The following RPAP1 variants were observed in gnomAD, a reference collection of about 807,000 sequenced individuals.
RPAP1 encodes RNA polymerase II-associated protein 1.
RPAP1 carries 109 observed loss-of-function variants against 142.4 expected under a neutral mutation model. The observed-to-expected ratio is 0.77, with a 90% CI of 0.66 to 0.90. The LOEUF (loss-of-function observed/expected upper bound fraction) is 0.90, where lower values mean the gene tolerates loss of function less well. Ranked by LOEUF, RPAP1 falls within the 40% of genes least tolerant of loss-of-function variation. The pLI, the probability that RPAP1 is intolerant of heterozygous loss-of-function variation, is 0.00. For synonymous variants in RPAP1, 704 were observed against 738.9 expected, an observed-to-expected ratio of 0.95 and a Z score of 0.77; for missense variants, 1,546 against 1,751.7, an observed-to-expected ratio of 0.88 and a Z score of 2.10.
rs377131040 is a variant in RPAP1, at chr15:41,536,965, C to T, written c.161G>A (p.Arg54Gln). 2.6e-5 allele frequency: 42 copies of T among 1,613,928 alleles called. No homozygotes were observed. The highest frequency in any genetic ancestry group is 3.5e-5 in the Non-Finnish European group (41 of 1,179,958). ...CTCACTGTCCAACATCACCACATCC[C>T]GATGGTCCTGGAGCGGAGGCCGGTC... ...NSDRPPLQDH[R>Q]DVVMLDNLPD... The change falls in exon 2 of 25, where the codon CGG (arginine) becomes CAG (glutamine). Residue 54 changes from arginine to glutamine, a missense_variant. Coordinates refer to ENST00000304330, the MANE Select transcript of RPAP1 (RefSeq NM_015540.4).
intron 1 of RPAP1, among the ~76,000 whole-genome samples, chr15:41,539,285 TTTTTTG>T (rs1254617761): frequency 8.7e-5 from 13 of 148,630 alleles, no homozygotes; most frequent in African/African-American, 3.4e-4. Flanking sequence ...TTTTGTTTTT[TTTTTTG>T]TTTTTTGTTT....
intron 6 of RPAP1, among the ~76,000 whole-genome samples, chr15:41,532,690 T>G (rs996746881): frequency 6.6e-6 from 1 of 151,790 alleles, no homozygotes; most frequent in African/African-American, 2.4e-5. Context: ...AAGTAGGGCC[T>G]CGGCTGGGCA....
chr15:41,532,992 A>G (rs1198138293), intron 6 of RPAP1, among the ~76,000 whole-genome samples: 1 of 55,240 alleles, frequency 1.8e-5, no homozygotes, highest in East Asian at 5.1e-4. Flanking sequence ...AAAAAAAAAA[A>G]AAAAAAAAAA....
rs562124145 is a variant in RPAP1 at position 41,526,463 on chromosome 15, G to C, written c.1917+435C>G. 1.5e-4 allele frequency among the ~76,000 whole-genome samples: 23 copies of C among 152,140 alleles called. No individual in the cohort carries two copies. The East Asian group carries it at 3.7e-3, about 24-fold the overall frequency. On this transcript the variant is annotated intron_variant, in intron 14 of 24. Coordinates refer to ENST00000304330, the MANE Select transcript of RPAP1 (RefSeq NM_015540.4). ...GACAGAGTCTTGCTATGTTGTCCAGGCTGGCCCCTGAACTCTTGGCCCCAA... is the reference window on the plus strand; with the variant it reads ...GACAGAGTCTTGCTATGTTGTCCAGCCTGGCCCCTGAACTCTTGGCCCCAA...
In RPAP1 at chr15:41,517,336, G is replaced by T; in HGVS notation, c.*206C>A. 2.0e-6 allele frequency: 1 copy of T among 495,248 alleles called. No individual in the cohort carries two copies. Among genetic ancestry groups the T allele is most frequent in the Non-Finnish European group, 3.5e-6 (1 of 283,266 alleles). The allele number at this position is 495,248 out of a possible 1,614,324, so 30.7% of individuals were successfully genotyped here. On this transcript the variant is annotated 3_prime_UTR_variant, in exon 25 of 25. Transcript: ENST00000304330. ...TAAGCCACTCTTCACTCCCAGTACA[G>T]ACCTTCAGAAGCCCCAGATATCAGG...
At position 41,522,851 on chromosome 15, in the gene RPAP1, C is replaced by T. The variant is rs769572179; in HGVS notation, c.2656G>A (p.Gly886Ser). The change falls in exon 19 of 25, where the codon GGC becomes AGC. Residue 886 changes from glycine (G) to serine (S), a missense_variant. Transcript: ENST00000304330. The stretch of plus-strand genomic sequence containing the variant: ...AGGAATGGGAAGGGTGAGGCTGAGC[C>T]AGCCAGACTGAGACGGGGGCAGCCT... ...SGGCPRLSLA[G>S]SASPFPFLTA... 1.7e-5 allele frequency: 27 copies of T among 1,583,396 alleles called. No individual in the cohort carries two copies. The East Asian group carries it at 6.3e-4, about 37-fold the overall frequency.
At chr15:41,528,428 A>G in intron 9 of RPAP1, 92 bp from the exon 10 acceptor site, 1 of 883,006 alleles carries the variant, frequency 1.1e-6, no homozygotes, top group African/African-American at 1.7e-5. Flanking sequence ...ACAAAGATAA[A>G]TAAGTGAAAT....
rs780238104 is a variant in RPAP1 at position 41,520,572 on chromosome 15, G to A, written c.3614C>T (p.Thr1205Met). 9.3e-6 allele frequency: 15 copies of A among 1,614,232 alleles called. No individual in the cohort carries two copies. The Admixed American group carries it at 1.0e-4, about 11-fold the overall frequency. The change falls in exon 22 of 25, where the codon ACG becomes ATG. Residue 1205 changes from threonine to methionine, a missense_variant. By Grantham distance (81) the Thr-to-Met change is moderately conservative. Around this residue, in one of 3 missense-constraint regions of RPAP1, gnomAD observed 210 missense variants for 248.0 expected, o/e 0.85. Coordinates refer to ENST00000304330, the MANE Select transcript of RPAP1 (RefSeq NM_015540.4). ...GTTGGCATAGAGGTCAGGGAAAGAC[G>A]TCAGGCCAGGGAGTCGGCAGTCCAG... ...LNLDCRLPGL[T>M]SFPDLYANFL...
intron 14 of RPAP1, among the ~76,000 whole-genome samples, chr15:41,526,191 C>T (rs2051788485): frequency 6.6e-6 from 1 of 152,202 alleles, no homozygotes; most frequent in Non-Finnish European, 1.5e-5. Context: ...CTCAAGTGAT[C>T]CACCACCTCG....
rs1375407329 is a variant in RPAP1, at chr15:41,527,484, C to T, written c.1550G>A (p.Arg517Lys). 19 of 1,614,098 alleles carry T rather than the reference C, an allele frequency of 1.2e-5. No homozygotes were observed. Among genetic ancestry groups the T allele is most frequent in the Non-Finnish European group, 1.6e-5 (19 of 1,180,048 alleles). ...DEECPAGKAK[R>K]KSPEEESRPP... is the part of the protein sequence containing the mutation. ...CCGGCTTTCTTCTTCAGGGCTTTTC[C>T]TTTTTGCTTTTCCTGCTGGGCATTC... is the stretch of plus-strand genomic sequence containing the variant. The change falls in exon 12 of 25, where the codon AGG becomes AAG. Residue 517 changes from arginine (R) to lysine (K), a missense_variant. Arg to Lys is a conservative substitution (Grantham distance 26, BLOSUM62 2). Transcript: ENST00000304330.
intron 1 of RPAP1, among the ~76,000 whole-genome samples, chr15:41,537,661 C>A (rs1272965071): frequency 6.6e-6 from 1 of 151,850 alleles, no homozygotes; most frequent in Non-Finnish European, 1.5e-5. Flanking sequence ...GAGGGTGGGT[C>A]ACCTGAGGCC....
At chr15:41,540,528 C>T (rs1595490605) in intron 1 of RPAP1, among the ~76,000 whole-genome samples, 1 of 152,072 alleles carries the variant, frequency 6.6e-6, no homozygotes, top group African/African-American at 2.4e-5. Context: ...CTCGAACTCC[C>T]GACCTCAGGT....
chr15:41,524,470 A>G (rs1022366588), intron 15 of RPAP1, among the ~76,000 whole-genome samples: 4 of 144,348 alleles, frequency 2.8e-5, no homozygotes, highest in Middle Eastern at 3.5e-3. Context: ...ACAGATACCA[A>G]TGCTTTTTTT....
At position 41,529,881 on chromosome 15, in the gene RPAP1, G is replaced by A. The variant is rs367690635; in HGVS notation, c.1042C>T (p.Arg348Trp). Residue 348 changes from arginine (R) to tryptophan (W), a missense_variant, in exon 8 of 25, where the codon CGG (arginine) becomes TGG (tryptophan). By Grantham distance (101) the Arg-to-Trp change is moderately radical (BLOSUM62 -3). Transcript: ENST00000304330. Reference protein sequence around the residue: ...HWTQDLPPVRRQQTQERMQAR... With the variant: ...HWTQDLPPVRWQQTQERMQAR... The stretch of plus-strand genomic sequence containing the variant: ...CTCCTCACCTCCTGTGTCTGCTGCC[G>A]CCGGACAGGGGGCAAGTCCTGGGTC... The A allele has an allele frequency of 3.9e-5, 62 of 1,609,506 alleles. No individual in the cohort carries two copies. The highest frequency in any genetic ancestry group is 6.7e-5 in the Admixed American group (4 of 59,544).
At chr15:41,522,313 G>A in intron 19 of RPAP1, 63 bp from the exon 20 acceptor site, 2 of 1,508,490 alleles carry the variant, frequency 1.3e-6, no homozygotes, top group Non-Finnish European at 1.8e-6. Flanking sequence ...GGGCTCCCCA[G>A]GTGGCTGCCC....
At position 41,526,985 on chromosome 15, in the gene RPAP1, G is replaced by A. The variant is rs145226374; in HGVS notation, c.1830C>T (p.Thr610=). The A allele has an allele frequency of 1.9e-6, 3 of 1,614,202 alleles. No homozygotes were observed. The highest frequency in any genetic ancestry group is 2.5e-6 in the Non-Finnish European group (3 of 1,180,020). ...CACAGGGTACTTTGTATAGACTAGGGGTAGGCCCTGCCCCCACAGGAGACC... is the reference window on the plus strand; with the variant it reads ...CACAGGGTACTTTGTATAGACTAGGAGTAGGCCCTGCCCCCACAGGAGACC... The part of the protein sequence containing the change: ...TSWSPVGAGP[T]PSLYKVPCAT... The change falls in exon 14 of 25, where the codon ACC becomes ACT. Residue 610 remains threonine, a synonymous_variant. Coordinates refer to ENST00000304330, the MANE Select transcript of RPAP1 (RefSeq NM_015540.4).
intron 6 of RPAP1, among the ~76,000 whole-genome samples, chr15:41,532,352 TG>T (rs1003898955): frequency 9.2e-5 from 14 of 151,888 alleles, no homozygotes; most frequent in Non-Finnish European, 1.3e-4. Context: ...TTTGTAGAGA[TG>T]GGGTCTCATG....
intron 6 of RPAP1, among the ~76,000 whole-genome samples, chr15:41,533,838 TAA>T (rs35094310): frequency 7.8e-6 from 1 of 127,402 alleles, no homozygotes. Context: ...AAATCCGTCT[TAA>T]AAAAAAAAAA....
intron 6 of RPAP1, among the ~76,000 whole-genome samples, chr15:41,532,775 C>G (rs60736275): frequency 0.14 from 21,692 of 151,498 alleles, 2,775 homozygotes; most frequent in African/African-American, 0.34. Flanking sequence ...GTCAGGAGTT[C>G]AAGACCAGCC....
Sources: gnomAD v4.1 joint callset for allele counts (sites outside exome capture counted in the v4.1 genomes callset) on GRCh38, gnomAD v4.1.1 for gene constraint, gnomAD v4.1.1 regional missense constraint, MANE v1.5 for transcripts, NCBI Gene and HGNC (gene_info 2026-07-23, HGNC 2026-07-21) for gene names.